RGS7BP: variants seen among roughly 807,000 people sequenced by gnomAD.
RGS7BP encodes the protein regulator of G protein signaling 7 binding protein, also known as regulator of G protein signaling 7-binding protein.
Under a neutral mutation model 31.3 loss-of-function variants are expected in RGS7BP, and 9 were observed. The ratio of observed to expected loss-of-function variants is 0.29; its 90% CI spans 0.17 to 0.50. RGS7BP has a LOEUF of 0.50. Ranked by LOEUF, RGS7BP falls within the 20% of genes least tolerant of loss-of-function variation. RGS7BP has a pLI of 0.98. For synonymous variants in RGS7BP, 115 were observed against 120.1 expected, an observed-to-expected ratio of 0.96 and a Z score of 0.28; for missense variants, 274 against 322.0, an observed-to-expected ratio of 0.85 and a Z score of 1.14.
chr5:64,520,641 C>G (rs1340228816), intron 2 of RGS7BP, among the ~76,000 whole-genome samples: 3 of 152,222 alleles, frequency 2.0e-5, no homozygotes, highest in African/African-American at 7.2e-5. Context: ...GGATCAGACT[C>G]TGACCCAGGT....
chr5:64,589,165 A>C (rs1327390901), intron 3 of RGS7BP, among the ~76,000 whole-genome samples: 1 of 151,966 alleles, frequency 6.6e-6, no homozygotes, highest in South Asian at 2.1e-4. Context: ...GCATGGTGGT[A>C]CACACCTGTA....
intron 2 of RGS7BP, among the ~76,000 whole-genome samples, chr5:64,534,844 G>A (rs1749464750): frequency 6.6e-6 from 1 of 152,194 alleles, no homozygotes; most frequent in African/African-American, 2.4e-5. Flanking sequence ...GACTGGATGA[G>A]TTCATGTAGG....
intron 2 of RGS7BP, among the ~76,000 whole-genome samples, chr5:64,556,401 A>G (rs1314055666): frequency 1.4e-5 from 2 of 144,640 alleles, no homozygotes; most frequent in Admixed American, 1.4e-4. Context: ...AAAAAAAAAA[A>G]AGCAATCTTC....
At chr5:64,579,483 G>A (rs999494172) in intron 3 of RGS7BP, among the ~76,000 whole-genome samples, 18 of 133,054 alleles carry the variant, frequency 1.4e-4, no homozygotes, top group Non-Finnish European at 2.1e-4. Context: ...GGCAGAGGTT[G>A]CAGTGAGCCG....
chr5:64,551,553 G>T (rs1465892663), intron 2 of RGS7BP, among the ~76,000 whole-genome samples: 1 of 151,746 alleles, frequency 6.6e-6, no homozygotes, highest in Non-Finnish European at 1.5e-5. Flanking sequence ...TTTTATGGGA[G>T]TCACCCTATA....
At chr5:64,557,260 G>A (rs149404496) in intron 2 of RGS7BP, among the ~76,000 whole-genome samples, 3 of 152,260 alleles carry the variant, frequency 2.0e-5, no homozygotes, top group African/African-American at 7.2e-5. Context: ...CTGGAGAAAT[G>A]TAGTTATGCT....
chr5:64,602,817 A>C (rs1291073325), intron 5 of RGS7BP, among the ~76,000 whole-genome samples: 2 of 152,294 alleles, frequency 1.3e-5, no homozygotes, highest in South Asian at 2.1e-4. Context: ...TTAGATTCTC[A>C]CCTAGCCTAG....
At chr5:64,545,452 A>G (rs1741638343) in intron 2 of RGS7BP, among the ~76,000 whole-genome samples, 1 of 152,158 alleles carries the variant, frequency 6.6e-6, no homozygotes, top group Non-Finnish European at 1.5e-5. Context: ...CCTGAGGGCA[A>G]TAGAGAACCA....
At chr5:64,599,350 G>A (rs1004050025) in intron 5 of RGS7BP, among the ~76,000 whole-genome samples, 10 of 152,320 alleles carry the variant, frequency 6.6e-5, no homozygotes, top group Admixed American at 5.9e-4. Flanking sequence ...TTTTCAGTGA[G>A]CAAAGCCTGA....
chr5:64,548,106 A>T (rs1037160712), intron 2 of RGS7BP, among the ~76,000 whole-genome samples: 1 of 152,126 alleles, frequency 6.6e-6, no homozygotes, highest in African/African-American at 2.4e-5. Flanking sequence ...ATAACTTATT[A>T]TTATCTAACA....
chr5:64,576,474 T>C (rs1309062818), intron 3 of RGS7BP, among the ~76,000 whole-genome samples: 2 of 152,212 alleles, frequency 1.3e-5, no homozygotes, highest in Non-Finnish European at 2.9e-5. Flanking sequence ...CTCTGCCTTC[T>C]GGGTGTTGGC....
chr5:64,537,756 A>C (rs1196656570), intron 2 of RGS7BP, among the ~76,000 whole-genome samples: 6 of 152,310 alleles, frequency 3.9e-5, no homozygotes, highest in Admixed American at 2.0e-4. Context: ...CTTGACTTTC[A>C]TTGATGATCC....
chr5:64,549,875 A>T (rs1213532755), intron 2 of RGS7BP, among the ~76,000 whole-genome samples: 4 of 152,170 alleles, frequency 2.6e-5, no homozygotes, highest in African/African-American at 7.2e-5. Context: ...TTTTACTGTA[A>T]GCACTCAGAG....
intron 2 of RGS7BP, among the ~76,000 whole-genome samples, chr5:64,569,484 T>C (rs1252499179): frequency 6.6e-6 from 1 of 152,138 alleles, no homozygotes; most frequent in East Asian, 1.9e-4. Flanking sequence ...CATTTTGGTA[T>C]GAAATAGTGT....
intron 3 of RGS7BP, among the ~76,000 whole-genome samples, chr5:64,588,153 G>C (rs1742809126): frequency 6.6e-6 from 1 of 152,150 alleles, no homozygotes; most frequent in Non-Finnish European, 1.5e-5. Flanking sequence ...GCAACATAAA[G>C]GAAGCAGCCA....
chr5:64,591,237 A>C (rs572112625), intron 3 of RGS7BP, among the ~76,000 whole-genome samples: 2 of 152,248 alleles, frequency 1.3e-5, no homozygotes, highest in Admixed American at 6.5e-5. Flanking sequence ...ACACAAATAG[A>C]AAATGTAAAG....
At chr5:64,548,980 T>C (rs1428386596) in intron 2 of RGS7BP, among the ~76,000 whole-genome samples, 1 of 152,020 alleles carries the variant, frequency 6.6e-6, no homozygotes, top group Non-Finnish European at 1.5e-5. Context: ...GTCACACACA[T>C]TCCATTTTTG....
chr5:64,508,163 T>G (rs1748745176), intron 2 of RGS7BP, among the ~76,000 whole-genome samples: 1 of 152,166 alleles, frequency 6.6e-6, no homozygotes, highest in Non-Finnish European at 1.5e-5. Context: ...AGCATAAGAT[T>G]TGGGGTGGAT....
At chr5:64,532,823 G>A (rs925619065) in intron 2 of RGS7BP, among the ~76,000 whole-genome samples, 3 of 151,764 alleles carry the variant, frequency 2.0e-5, no homozygotes, top group Admixed American at 6.6e-5. Flanking sequence ...TTTGGGTAGC[G>A]GAGGGCCTGT....
Sources: allele counts gnomAD v4.1 joint callset (sites outside exome capture counted in the v4.1 genomes callset), GRCh38; gene constraint gnomAD v4.1.1; transcripts MANE v1.5; gene names NCBI Gene and HGNC (gene_info 2026-07-23, HGNC 2026-07-21).